Variants in MAGI1 observed in about 807,000 individuals in gnomAD.
MAGI1 encodes membrane-associated guanylate kinase, WW and PDZ domain-containing protein 1.
Under a neutral mutation model 139.9 loss-of-function variants are expected in MAGI1, and 58 were observed. The observed-to-expected ratio is 0.41, with a 90% CI of 0.34 to 0.52. The LOEUF is 0.52. MAGI1 is among the 20% of genes least tolerant of loss of function. The pLI, the probability that MAGI1 is intolerant of heterozygous loss-of-function variation, is 0.12. For synonymous variants in MAGI1, 812 were observed against 737.9 expected (o/e 1.10, Z -1.63); for missense variants, 1,874 against 1,901.6 (o/e 0.99, Z 0.27).
At chr3:66,036,980 T>C (rs1405403621) in intron 1 of MAGI1, among the ~76,000 whole-genome samples, 2 of 152,102 alleles carry the variant, frequency 1.3e-5, no homozygotes, top group Non-Finnish European at 2.9e-5. Context: ...CTCTACAGAT[T>C]TCTGAGAGAG....
At chr3:65,387,901 T>A (rs1234573045) in intron 14 of MAGI1, among the ~76,000 whole-genome samples, 1 of 152,216 alleles carries the variant, frequency 6.6e-6, no homozygotes, top group East Asian at 1.9e-4. Flanking sequence ...AATAGGACAG[T>A]TTTCAGTTTT....
rs528189903 is a variant in MAGI1, at chr3:65,495,463, T to C, written c.431-1832A>G. 2.5e-4 allele frequency among the ~76,000 whole-genome samples: 38 copies of C among 152,314 alleles called. 1 individual carries two copies. The highest frequency in any genetic ancestry group is 5.9e-4 in the Admixed American group (9 of 15,292). ...ATATCTCTGTTTATGTATATGTGTG[T>C]GTATTCATGGCATTATATATTGTAT... On this transcript the variant is annotated intron_variant, in intron 2 of 22. Transcript: ENST00000402939.
intron 1 of MAGI1, among the ~76,000 whole-genome samples, chr3:65,720,349 C>T (rs969708315): frequency 6.6e-6 from 1 of 152,154 alleles, no homozygotes; most frequent in African/African-American, 2.4e-5. Context: ...CCAGGTTACC[C>T]AGTGTATGCC....
chr3:65,638,872 G>A (rs533882676), intron 1 of MAGI1, among the ~76,000 whole-genome samples: 1 of 152,122 alleles, frequency 6.6e-6, no homozygotes, highest in South Asian at 2.1e-4. Flanking sequence ...CTCCCAAAGT[G>A]CTGGGATTAC....
At chr3:65,952,059 CT>C (rs2063886624) in intron 1 of MAGI1, among the ~76,000 whole-genome samples, 1 of 152,156 alleles carries the variant, frequency 6.6e-6, no homozygotes, top group South Asian at 2.1e-4. Context: ...GGTTTGTTGC[CT>C]ACATTCATAA....
intron 12 of MAGI1, among the ~76,000 whole-genome samples, chr3:65,413,144 C>A (rs982320895): frequency 2.6e-5 from 4 of 152,152 alleles, no homozygotes; most frequent in African/African-American, 9.7e-5. Context: ...GCAGTTTCAA[C>A]AGACTGATTG....
At chr3:65,599,936 C>T (rs151122940) in intron 2 of MAGI1, among the ~76,000 whole-genome samples, 28 of 152,278 alleles carry the variant, frequency 1.8e-4, no homozygotes, top group Non-Finnish European at 2.9e-4. Context: ...GAGTTACATG[C>T]AAAGTATTTG....
At chr3:65,920,214 C>G (rs2062110262) in intron 1 of MAGI1, among the ~76,000 whole-genome samples, 1 of 152,210 alleles carries the variant, frequency 6.6e-6, no homozygotes. Flanking sequence ...ATTTAAAGAG[C>G]TGGTTTCCAC....
At chr3:65,770,589 G>C (rs946799546) in intron 1 of MAGI1, among the ~76,000 whole-genome samples, 1 of 152,106 alleles carries the variant, frequency 6.6e-6, no homozygotes, top group Admixed American at 6.5e-5. Flanking sequence ...GAGAGCTGAG[G>C]GACAGGTATG....
intron 2 of MAGI1, among the ~76,000 whole-genome samples, chr3:65,581,816 C>T (rs533356741): frequency 1.1e-4 from 17 of 152,220 alleles, no homozygotes; most frequent in South Asian, 2.1e-4. Context: ...TAATACTTTG[C>T]GGTCCTTATC....
intron 5 of MAGI1, 36 bp downstream of exon 5, chr3:65,470,247 G>C: frequency 2.1e-6 from 3 of 1,444,120 alleles, no homozygotes; most frequent in Non-Finnish European, 2.9e-6. Flanking sequence ...AAAAGAAAGA[G>C]AGAGAGATTT....
rs78810362 is a variant in MAGI1 at position 65,415,007 on chromosome 3, A to G, written c.2168-13537T>C. ...TCATGCCATTGCACTCCAGCCTGGG[A>G]AAAAAAAAAAAACAAAAAAAAAAAA... On this transcript the variant is annotated intron_variant, in intron 12 of 22. Coordinates refer to ENST00000402939, the MANE Select transcript of MAGI1 (RefSeq NM_001033057.2). Among the ~76,000 whole-genome samples the G allele has an allele frequency of 1.4e-4, 9 of 62,634 alleles. No homozygotes were observed. The South Asian group carries it at 2.5e-3, about 17-fold the overall frequency. The allele number at this position is 62,634 out of a possible 152,430, so 41.1% of individuals were successfully genotyped here. A position where few individuals can be genotyped will look rare whatever the true frequency, so the allele number is the denominator to read the frequency against.
At chr3:65,792,548 A>ATATATTAT (rs2039858270) in intron 1 of MAGI1, among the ~76,000 whole-genome samples, 1 of 152,130 alleles carries the variant, frequency 6.6e-6, no homozygotes, top group African/African-American at 2.4e-5. Context: ...ATATATTGTT[A>ATATATTAT]TAGCTAGCTA....
chr3:65,445,989 C>G (rs1403279271), intron 7 of MAGI1, among the ~76,000 whole-genome samples: 1 of 152,134 alleles, frequency 6.6e-6, no homozygotes, highest in Admixed American at 6.5e-5. Context: ...CAACAGAAAA[C>G]AGTGTGTGTG....
chr3:65,479,550 T>C lies in MAGI1; in HGVS notation c.551-752A>G, dbSNP rs149065066. Among the ~76,000 whole-genome samples, 316 of 152,238 alleles carry C rather than the reference T, an allele frequency of 2.1e-3. 2 individuals carry two copies. Among genetic ancestry groups the C allele is most frequent in the Admixed American group, 0.019 (294 of 15,278 alleles). On this transcript the variant is annotated intron_variant, in intron 3 of 22. Coordinates refer to ENST00000402939, the MANE Select transcript of MAGI1 (RefSeq NM_001033057.2). ...ATTTTTTTATTTTAATAGATACATATATTTTTAATTTGCCATAGAGAAATC... is the reference window on the plus strand; with the variant it reads ...ATTTTTTTATTTTAATAGATACATACATTTTTAATTTGCCATAGAGAAATC...
intron 4 of MAGI1, among the ~76,000 whole-genome samples, chr3:65,473,052 C>A (rs1246247949): frequency 6.6e-6 from 1 of 152,120 alleles, no homozygotes; most frequent in Non-Finnish European, 1.5e-5. Context: ...CAAAAACAAT[C>A]TCTACTTCAC....
At chr3:65,663,201 G>A (rs1013432025) in intron 1 of MAGI1, among the ~76,000 whole-genome samples, 16 of 152,212 alleles carry the variant, frequency 1.1e-4, no homozygotes, top group Non-Finnish European at 1.9e-4. Flanking sequence ...AAGTGGAAAC[G>A]CAAATGTTGG....
intron 1 of MAGI1, among the ~76,000 whole-genome samples, chr3:65,712,207 G>A (rs1343607016): frequency 6.6e-6 from 1 of 152,096 alleles, no homozygotes; most frequent in Non-Finnish European, 1.5e-5. Flanking sequence ...ATTTTTGACA[G>A]TTTCCAGGTC....
Position 65,809,974 on chromosome 3 carries a change from C to CCTCTCT in MAGI1, c.314-187892_314-187887dup, listed in dbSNP as rs146092715. Among the ~76,000 whole-genome samples, 21 of 149,872 alleles carry CCTCTCT rather than the reference C, an allele frequency of 1.4e-4. 1 individual carries two copies. Among genetic ancestry groups the CCTCTCT allele is most frequent in the African/African-American group, 5.1e-4 (21 of 40,846 alleles). ...CCTACACACACAACCTCACATATAT[C>CCTCTCT]CTCTCTCTCTCTCTCTCCCTCTCTC... On this transcript the variant is annotated intron_variant, in intron 1 of 22. Transcript: ENST00000402939.
Sources: gnomAD v4.1 joint callset for allele counts (sites outside exome capture counted in the v4.1 genomes callset) on GRCh38, gnomAD v4.1.1 for gene constraint, MANE v1.5 for transcripts, NCBI Gene and HGNC (gene_info 2026-07-23, HGNC 2026-07-21) for gene names.